The following AGBL1 variants were observed in gnomAD, a reference collection of about 807,000 sequenced individuals.
AGBL1 encodes the protein AGBL carboxypeptidase 1.
In AGBL1, 130 loss-of-function variants were observed where a neutral mutation model predicts 118.9. The observed-to-expected ratio is 1.09, with a 90% CI of 0.95 to 1.26. The LOEUF (loss-of-function observed/expected upper bound fraction) is 1.26, where lower values mean the gene tolerates loss of function less well. Among genes scored for constraint, AGBL1 ranks in the 50% most tolerant of loss-of-function variants. The probability of loss-of-function intolerance (pLI) is 0.00; values close to 1 mark genes in which losing one functional copy is unlikely to be tolerated. For synonymous variants in AGBL1, 555 were observed against 478.9 expected (o/e 1.16, Z -2.08); for missense variants, 1,584 against 1,298.1 (o/e 1.22, Z -3.38).
chr15:86,731,230 A>T (rs961912253), intron 22 of AGBL1, among the ~76,000 whole-genome samples: 2 of 152,168 alleles, frequency 1.3e-5, no homozygotes, highest in African/African-American at 4.8e-5. Flanking sequence ...TAGTAGGTTC[A>T]GTTGATTTTT....
chr15:86,329,600 GC>G (rs1406744055), intron 17 of AGBL1, among the ~76,000 whole-genome samples: 1 of 149,052 alleles, frequency 6.7e-6, no homozygotes, highest in East Asian at 2.0e-4. Context: ...TGGTCAAGCA[GC>G]CTGAGCCGCC....
chr15:86,084,702 C>T (rs1895517060), intron 1 of AGBL1, among the ~76,000 whole-genome samples: 1 of 152,344 alleles, frequency 6.6e-6, no homozygotes, highest in Admixed American at 6.5e-5. Flanking sequence ...CTGATATCAT[C>T]TCCCACTTCC....
intron 22 of AGBL1, among the ~76,000 whole-genome samples, chr15:86,677,911 CT>C (rs1396696386): frequency 2.6e-5 from 4 of 152,192 alleles, no homozygotes; most frequent in South Asian, 2.1e-4. Context: ...AAAAGCGCCC[CT>C]ATCCCTGTCT....
Position 86,264,563 on chromosome 15 carries a change from A to G in AGBL1, c.1392A>G (p.Lys464=), listed in dbSNP as rs761547681. ...SEIPDIQASP[K]ADAWDVDAIF... is the part of the protein sequence containing the mutation. ...TCCCTGACATTCAGGCTTCCCCGAAAGCAGATGCCTGGGACGTAGATGCAA... is the reference window on the plus strand; with the variant it reads ...TCCCTGACATTCAGGCTTCCCCGAAGGCAGATGCCTGGGACGTAGATGCAA... The change falls in exon 11 of 23, where the codon AAA becomes AAG. Residue 464 remains lysine, a synonymous_variant. Transcript: ENST00000614907. The G allele has an allele frequency of 6.8e-6, 11 of 1,613,930 alleles. No individual in the cohort carries two copies. In the South Asian group the frequency reaches 1.2e-4, roughly 18 times the overall value.
chr15:86,139,976 C>A, intron 1 of AGBL1: 1 of 160,058 alleles, frequency 6.2e-6, no homozygotes, highest in South Asian at 1.7e-4. Flanking sequence ...GGGACAATCT[C>A]CTCCACCTTC....
rs546476594 is a variant in AGBL1 at position 86,269,367 on chromosome 15, G to A, written c.1839-552G>A. Among the ~76,000 whole-genome samples the A allele has an allele frequency of 7.2e-5, 11 of 152,270 alleles. No homozygotes were observed. In the South Asian group the frequency reaches 1.2e-3, roughly 17 times the overall value. On this transcript the variant is annotated intron_variant, in intron 13 of 22. Transcript: ENST00000614907. ...GTGGAAATTGAGGCTCAAAAGTAAC[G>A]TTGATCTCAAATAGCAATGGCATAT...
intron 17 of AGBL1, among the ~76,000 whole-genome samples, chr15:86,332,055 C>A (rs1323786047): frequency 2.0e-5 from 3 of 151,966 alleles, no homozygotes; most frequent in East Asian, 1.9e-4. Flanking sequence ...ACATCCATAG[C>A]CTCAAAGTAA....
In AGBL1 at chr15:86,502,992, T is replaced by G. The variant is rs186580395; in HGVS notation, c.2556-19818T>G. ...TGGAAAGTTTTGTGAAAGATTGGTT[T>G]TAATTCTTCCTTAAACGCTTGGTAG... On this transcript the variant is annotated intron_variant, in intron 18 of 22. Coordinates refer to ENST00000614907, the MANE Select transcript of AGBL1 (RefSeq NM_001386094.1). 3.3e-5 allele frequency among the ~76,000 whole-genome samples: 5 copies of G among 151,628 alleles called. No individual in the cohort carries two copies. The East Asian group carries it at 9.7e-4, about 29-fold the overall frequency.
intron 18 of AGBL1, among the ~76,000 whole-genome samples, 169 bp from the exon 19 acceptor site, chr15:86,522,641 T>G (rs2083204228): frequency 6.6e-6 from 1 of 152,216 alleles, no homozygotes; most frequent in African/African-American, 2.4e-5. Flanking sequence ...CTTTGGAGCT[T>G]AAAGGACAGA....
chr15:86,950,763 A>G (rs1052603111), intron 23 of AGBL1, among the ~76,000 whole-genome samples: 4 of 152,040 alleles, frequency 2.6e-5, no homozygotes, highest in African/African-American at 7.2e-5. Flanking sequence ...TGGACAACAG[A>G]TTTGAAAAGG....
chr15:86,370,658 C>T (rs117088374), intron 17 of AGBL1, among the ~76,000 whole-genome samples: 2 of 152,208 alleles, frequency 1.3e-5, no homozygotes, highest in South Asian at 2.1e-4. Flanking sequence ...TGATATCTAA[C>T]CTGAGCTGAT....
At chr15:86,107,847 C>G (rs1418165113) in intron 1 of AGBL1, among the ~76,000 whole-genome samples, 1 of 152,188 alleles carries the variant, frequency 6.6e-6, no homozygotes, top group Non-Finnish European at 1.5e-5. Flanking sequence ...ATTTTGCCCT[C>G]TCAGAGAGCT....
intron 5 of AGBL1, among the ~76,000 whole-genome samples, chr15:86,183,588 A>G (rs1432039834): frequency 6.6e-6 from 1 of 152,202 alleles, no homozygotes; most frequent in Non-Finnish European, 1.5e-5. Context: ...TAAATAAAAC[A>G]TGAGCAGTGG....
rs2079097550 is a variant in AGBL1 at position 86,831,042 on chromosome 15, G to A, written c.3159-76045G>A. Among the ~76,000 whole-genome samples the A allele has an allele frequency of 2.0e-5, 3 of 152,166 alleles. No homozygotes were observed. The South Asian group carries it at 6.2e-4, about 32-fold the overall frequency. ...GAAGAGCAAAGTCATGTCTTAGGTG[G>A]CTACAGGCAAGAGAGAGCATGTGCA... On this transcript the variant is annotated intron_variant, in intron 22 of 22. Coordinates refer to ENST00000614907, the MANE Select transcript of AGBL1 (RefSeq NM_001386094.1).
intron 18 of AGBL1, among the ~76,000 whole-genome samples, chr15:86,421,159 C>T (rs769838681): frequency 2.6e-5 from 4 of 151,978 alleles, no homozygotes; most frequent in East Asian, 1.9e-4. Context: ...GACACATAAC[C>T]GTCAGATTCA....
intron 22 of AGBL1, among the ~76,000 whole-genome samples, chr15:86,888,424 CTTTAT>C (rs1375998673): frequency 1.3e-5 from 2 of 151,764 alleles, no homozygotes; most frequent in Admixed American, 1.3e-4. Context: ...AATCATATAC[CTTTAT>C]TTTAAAGGTA....
chr15:86,473,507 G>T (rs979096261), intron 18 of AGBL1, among the ~76,000 whole-genome samples: 2 of 151,902 alleles, frequency 1.3e-5, no homozygotes, highest in Non-Finnish European at 2.9e-5. Flanking sequence ...AGGGTATAAA[G>T]TTTCATCATT....
intron 22 of AGBL1, among the ~76,000 whole-genome samples, chr15:86,696,307 G>T (rs2086258066): frequency 2.0e-5 from 3 of 151,782 alleles, no homozygotes; most frequent in Admixed American, 2.0e-4. Flanking sequence ...TTTTCCTGTT[G>T]GACAAAGCCT....
chr15:86,194,747 C>T (rs927012835), intron 5 of AGBL1, among the ~76,000 whole-genome samples: 1 of 152,188 alleles, frequency 6.6e-6, no homozygotes, highest in Non-Finnish European at 1.5e-5. Context: ...ACAGGTAACC[C>T]TCTGTTCCAA....
Sources: allele counts gnomAD v4.1 joint callset (sites outside exome capture counted in the v4.1 genomes callset), GRCh38; gene constraint gnomAD v4.1.1; transcripts MANE v1.5; gene names NCBI Gene and HGNC (gene_info 2026-07-23, HGNC 2026-07-21).